The following ANKRD30B variants were observed in gnomAD, a reference collection of about 807,000 sequenced individuals.
ANKRD30B encodes ankyrin repeat domain 30B.
A neutral mutation model predicts 202.2 loss-of-function variants in ANKRD30B; 144 were observed. The observed-to-expected ratio is 0.71, with a 90% CI of 0.62 to 0.82. ANKRD30B has a LOEUF of 0.82. Ranked by LOEUF, ANKRD30B falls within the 40% of genes least tolerant of loss-of-function variation. The pLI is 0.00. For synonymous variants in ANKRD30B, 508 were observed against 561.3 expected (o/e 0.91, Z 1.34); for missense variants, 1,487 against 1,669.1 (o/e 0.89, Z 1.90).
chr18:14,748,593 A>T lies in ANKRD30B; in HGVS notation c.174A>T (p.Thr58=), dbSNP rs1353185267. The change falls in exon 1 of 44, where the codon ACA becomes ACT. Residue 58 remains threonine, a synonymous_variant. Transcript: ENST00000690538. ...AAGTCCAGAAGCTGGAGAAGATGAC[A>T]GTAGGGAAGAAGCCCGTCAACCTGA... ...RGQVQKLEKM[T]VGKKPVNLNK... 1 of 1,566,374 alleles carries T rather than the reference A, an allele frequency of 6.4e-7. No homozygotes were observed. The highest frequency in any genetic ancestry group is 1.9e-5 in the Admixed American group (1 of 52,370).
chr18:14,763,703 A>T lies in ANKRD30B; in HGVS notation c.838A>T (p.Thr280Ser). The change falls in exon 7 of 44, where the codon ACA becomes TCA. Residue 280 changes from threonine (T) to serine (S), a missense_variant. Transcript: ENST00000690538. ...TTTGGCAGAAGGAACATCTACAGGA[A>T]CACCTGATGAGGCTGCACCCTTGGC... ...NTNPEGTSTG[T>S]PDEAAPLAER... 3 of 1,613,984 alleles carry T rather than the reference A, an allele frequency of 1.9e-6. No individual in the cohort carries two copies. The highest frequency in any genetic ancestry group is 2.5e-6 in the Non-Finnish European group (3 of 1,179,986).
At chr18:14,928,516 G>C in the ANKRD30B span, among the ~76,000 whole-genome samples, 4 of 152,124 alleles carry the variant, frequency 2.6e-5, no homozygotes, top group African/African-American at 9.7e-5. Flanking sequence ...CAGATGGCCC[G>C]AGTAGGGACA....
Position 14,832,971 on chromosome 18 carries a change from C to G in ANKRD30B, c.2847+1516C>G, listed in dbSNP as rs71350510. On this transcript the variant is annotated intron_variant, in intron 34 of 43. Coordinates refer to ENST00000690538, the MANE Select transcript of ANKRD30B (RefSeq NM_001367607.2). ...TGTTTTTTTGAGATGGAGTCTTGCT[C>G]TGTCGCCCAGGTTGTAGTGCAGTGG... Among the ~76,000 whole-genome samples, 30 of 152,174 alleles carry G rather than the reference C, an allele frequency of 2.0e-4. 1 individual carries two copies. Among genetic ancestry groups the G allele is most frequent in the Admixed American group, 1.2e-3 (19 of 15,282 alleles).
At chr18:14,761,113 C>G (rs913295416) in intron 6 of ANKRD30B, among the ~76,000 whole-genome samples, 4 of 152,120 alleles carry the variant, frequency 2.6e-5, no homozygotes, top group African/African-American at 9.7e-5. Flanking sequence ...CCCTGAATTA[C>G]AAGCCACAAA....
the ANKRD30B span, among the ~76,000 whole-genome samples, chr18:14,895,272 A>G: frequency 6.6e-6 from 1 of 151,712 alleles, no homozygotes; most frequent in Admixed American, 6.6e-5. Context: ...GTACCCCCTG[A>G]ATCTAAAATA....
chr18:14,787,718 T>C (rs1409981859), intron 15 of ANKRD30B, among the ~76,000 whole-genome samples: 2 of 152,202 alleles, frequency 1.3e-5, no homozygotes, highest in Admixed American at 6.5e-5. Flanking sequence ...AGTCACTTTA[T>C]GGCAGTGAAG....
At chr18:14,760,659 A>G (rs1036923488) in intron 6 of ANKRD30B, 41 bp downstream of exon 6, 4 of 1,384,240 alleles carry the variant, frequency 2.9e-6, no homozygotes, top group South Asian at 2.7e-5. Context: ...TGGTGCTACC[A>G]TAAGATTAGG....
chr18:14,804,732 A>T (rs1969393120), intron 24 of ANKRD30B, among the ~76,000 whole-genome samples: 1 of 150,886 alleles, frequency 6.6e-6, no homozygotes, highest in South Asian at 2.1e-4. Context: ...AATGGAATAG[A>T]AATTGTAGAT....
chr18:14,826,677 C>T (rs1191464198), intron 32 of ANKRD30B, among the ~76,000 whole-genome samples: 5 of 132,960 alleles, frequency 3.8e-5, no homozygotes, highest in Admixed American at 7.9e-5. Context: ...TCTCTCTCCC[C>T]CTCTCTCTCT....
At chr18:14,933,342 C>T in the ANKRD30B span, among the ~76,000 whole-genome samples, 5 of 152,296 alleles carry the variant, frequency 3.3e-5, no homozygotes, top group African/African-American at 7.2e-5. Context: ...GAGAGAGCCC[C>T]GGCAGCTCCT....
In ANKRD30B at chr18:14,791,600, A is replaced by T. The variant is rs1002830017; in HGVS notation, c.1825+109A>T. The T allele has an allele frequency of 9.5e-6, 8 of 839,706 alleles. No homozygotes were observed. The African/African-American group carries it at 1.0e-4, about 11-fold the overall frequency. 52.0% of individuals were successfully genotyped at this position (839,706 alleles called of 1,614,324 possible). A position where few individuals can be genotyped will look rare whatever the true frequency, so the allele number is the denominator to read the frequency against. On this transcript the variant is annotated intron_variant, in intron 16 of 43. Transcript: ENST00000690538. ...GAAAATTACCTCCTTAATGCAAAGC[A>T]CAGAAAAAAGAGAAGTGAAACGGTG...
At chr18:14,788,781 A>G (rs1968264570) in intron 15 of ANKRD30B, among the ~76,000 whole-genome samples, 1 of 151,722 alleles carries the variant, frequency 6.6e-6, no homozygotes, top group Non-Finnish European at 1.5e-5. Context: ...CATTTTCTTA[A>G]TCCAGTCTAT....
chr18:14,769,316 A>G, intron 7 of ANKRD30B, 27 bp from the exon 8 acceptor site: 1 of 1,460,124 alleles, frequency 6.8e-7, no homozygotes, highest in Non-Finnish European at 9.3e-7. Flanking sequence ...TGTTAATTTA[A>G]TGTATTTTAC....
chr18:14,789,941 G>A (rs537527760), intron 15 of ANKRD30B, among the ~76,000 whole-genome samples: 37 of 152,300 alleles, frequency 2.4e-4, no homozygotes, highest in African/African-American at 8.9e-4. Flanking sequence ...GTCATTGGTA[G>A]CTTAATGGGG....
chr18:14,779,555 T>C (rs1967588475), intron 10 of ANKRD30B, among the ~76,000 whole-genome samples: 1 of 152,154 alleles, frequency 6.6e-6, no homozygotes, highest in African/African-American at 2.4e-5. Context: ...TGAAGAACTG[T>C]GTAATAAAGA....
Position 14,760,045 on chromosome 18 carries a change from A to G in ANKRD30B, c.756-509A>G, listed in dbSNP as rs1015336671. 2.7e-4 allele frequency among the ~76,000 whole-genome samples: 41 copies of G among 152,222 alleles called. 2 individuals are homozygous for G. On this transcript the variant is annotated intron_variant, in intron 5 of 43. Transcript: ENST00000690538. The stretch of plus-strand genomic sequence containing the variant: ...GCATGAGCCATTGCACCAGGCCAAC[A>G]CATTGGGTTTTATTGGGAATTTTAA...
At chr18:14,808,200 C>G (rs1181641895) in intron 24 of ANKRD30B, among the ~76,000 whole-genome samples, 1 of 149,208 alleles carries the variant, frequency 6.7e-6, no homozygotes, top group South Asian at 2.1e-4. Context: ...TTTTTTTTGG[C>G]GGGGGGTCAT....
At chr18:14,912,148 T>C in the ANKRD30B span, among the ~76,000 whole-genome samples, 1 of 152,216 alleles carries the variant, frequency 6.6e-6, no homozygotes, top group Admixed American at 6.5e-5. Flanking sequence ...GGACATTCAG[T>C]ACTATGTTGA....
intron 24 of ANKRD30B, among the ~76,000 whole-genome samples, chr18:14,804,796 A>G (rs1406221147): frequency 6.6e-6 from 1 of 150,636 alleles, no homozygotes; most frequent in Non-Finnish European, 1.5e-5. Context: ...TTGAATGGGA[A>G]GAATCAAGAA....
Sources: gnomAD v4.1 joint callset for allele counts (sites outside exome capture counted in the v4.1 genomes callset) on GRCh38, gnomAD v4.1.1 for gene constraint, MANE v1.5 for transcripts, NCBI Gene and HGNC (gene_info 2026-07-23, HGNC 2026-07-21) for gene names.